The following NBPF9 variants were observed in gnomAD, a reference collection of about 807,000 sequenced individuals.
NBPF9 encodes NBPF family member NBPF9.
Under a neutral mutation model 97.8 loss-of-function variants are expected in NBPF9, and 91 were observed. The observed-to-expected ratio is 0.93, with a 90% CI of 0.79 to 1.11. The LOEUF (loss-of-function observed/expected upper bound fraction) is 1.11. Among genes scored for constraint, NBPF9 ranks in the 50% least tolerant of loss-of-function variants. The pLI is 0.00. For synonymous variants in NBPF9, 334 were observed against 359.5 expected, an observed-to-expected ratio of 0.93 and a Z score of 0.80; for missense variants, 992 against 939.5, an observed-to-expected ratio of 1.06 and a Z score of -0.73.
chr1:149,071,059 C>T (rs782595296), exon 16 of NBPF9: 3 of 1,611,084 alleles, frequency 1.9e-6, no homozygotes, highest in Non-Finnish European at 8.5e-7. Flanking sequence ...GTCATAAGGG[C>T]CATGGCTATT....
intron 5 of NBPF9, among the ~76,000 whole-genome samples, chr1:149,084,388 A>ATATATG (rs2080812473): frequency 6.8e-6 from 1 of 147,848 alleles, no homozygotes; most frequent in Admixed American, 6.8e-5. Context: ...TAATACGTGT[A>ATATATG]TATACATAAT....
chr1:149,055,539 G>A (rs1202095461), exon 30 of NBPF9: 11 of 1,564,454 alleles, frequency 7.0e-6, no homozygotes, highest in Middle Eastern at 2.4e-4. Flanking sequence ...ATAGAGCCAT[G>A]CCCACTGACC....
intron 4 of NBPF9, among the ~76,000 whole-genome samples, chr1:149,097,725 C>T (rs1239778506): frequency 2.0e-5 from 3 of 152,042 alleles, no homozygotes; most frequent in South Asian, 2.1e-4. Flanking sequence ...GAGATTTACT[C>T]GTTATGGGGT....
chr1:149,062,878 C>A (rs1553650485), exon 21 of NBPF9: 1 of 753,342 alleles, frequency 1.3e-6, no homozygotes, highest in Non-Finnish European at 2.4e-6. Flanking sequence ...CATGATGGGT[C>A]TTGGTCTTCT....
At chr1:149,086,997 T>C (rs868991283) in intron 5 of NBPF9, among the ~76,000 whole-genome samples, 24,325 of 151,480 alleles carry the variant, frequency 0.16, 1,980 homozygotes, top group Non-Finnish European at 0.21. Context: ...TTCCTACAAG[T>C]ATAAGACTTC....
chr1:149,062,253 C>G (rs1462618084), exon 22 of NBPF9: 11 of 844,864 alleles, frequency 1.3e-5, no homozygotes, highest in Non-Finnish European at 2.3e-5. Context: ...CATCCAGCAG[C>G]TCCCTGCTGA....
intron 16 of NBPF9, among the ~76,000 whole-genome samples, chr1:149,070,222 G>A (rs2079290747): frequency 6.6e-6 from 1 of 150,834 alleles, no homozygotes; most frequent in African/African-American, 2.4e-5. Context: ...TCAGGAGACT[G>A]AGGCAGGAGA....
chr1:149,099,630 T>C (rs1356721484), intron 3 of NBPF9, among the ~76,000 whole-genome samples: 5 of 152,288 alleles, frequency 3.3e-5, no homozygotes, highest in Middle Eastern at 3.4e-3. Context: ...ACTATATTCA[T>C]AAATAATAGC....
rs1428038445 is a variant in NBPF9, at chr1:149,055,269, A to G, written c.*387T>C. The G allele has an allele frequency of 1.7e-3, 593 of 354,124 alleles. 6 individuals carry two copies. Among genetic ancestry groups the G allele is most frequent in the East Asian group, 0.013 (178 of 13,838 alleles). 21.9% of individuals were successfully genotyped at this position (354,124 alleles called of 1,614,324 possible). On this transcript the variant is annotated 3_prime_UTR_variant, in exon 30 of 30. Coordinates refer to ENST00000584027, the Ensembl canonical transcript of NBPF9. ...ACGAAGAATGAGGTTAGGTTCATTG[A>G]AACCAGGGTAACACCTTTGGATGAG... is the stretch of plus-strand genomic sequence containing the variant.
In NBPF9 at chr1:149,074,146, C is replaced by G. The variant is rs200373258; in HGVS notation, c.989-276G>C. The stretch of plus-strand genomic sequence containing the variant: ...GAAGTGGAGTCAGAATTCACAGTCC[C>G]TGAGGTCTGACTCTGAATGCGGGGC... On this transcript the variant is annotated intron_variant, in intron 12 of 29. Transcript: ENST00000584027. Among the ~76,000 whole-genome samples the G allele has an allele frequency of 2.6e-5, 4 of 151,380 alleles. 2 individuals are homozygous for G. The highest frequency in any genetic ancestry group is 5.9e-5 in the Non-Finnish European group (4 of 67,726).
At chr1:149,064,664 C>T (rs1553651215) in intron 18 of NBPF9, 182 bp from the exon 19 acceptor site, 1 of 613,000 alleles carries the variant, frequency 1.6e-6, no homozygotes, top group Non-Finnish European at 2.9e-6. Context: ...TGGGTTCTTT[C>T]ATGAGCCTTG....
chr1:149,070,298 G>C (rs2079296384), intron 16 of NBPF9, among the ~76,000 whole-genome samples: 1 of 145,014 alleles, frequency 6.9e-6, no homozygotes, highest in Non-Finnish European at 1.5e-5. Context: ...TCCAGCCTGG[G>C]TGACAGAGCA....
At chr1:149,062,513 A>G (rs1394547953) in intron 21 of NBPF9, among the ~76,000 whole-genome samples, 6 of 144,428 alleles carry the variant, frequency 4.2e-5, no homozygotes, top group Non-Finnish European at 1.5e-5. Context: ...GCCGGGTGAC[A>G]CACTGATGAA....
Position 149,059,730 on chromosome 1 carries a change from C to A in NBPF9, c.2555G>T (p.Gly852Val). Residue 852 changes from glycine (G) to valine (V), a missense_variant, in exon 25 of 30, where the codon GGG becomes GTG. Around this residue, in one of 11 missense-constraint regions of NBPF9, gnomAD observed 397 missense variants for 213.6 expected, o/e 1.86. Coordinates refer to ENST00000584027, the Ensembl canonical transcript of NBPF9. ...GCATGGTGGGTTTTGATTTTCTTCC[C>A]CTTCTTTTCTTCCCCTTCTTCTTTT... 1.0e-5 allele frequency: 6 copies of A among 582,446 alleles called. 1 individual carries two copies. The highest frequency in any genetic ancestry group is 4.9e-5 in the Admixed American group (2 of 40,808). The allele number at this position is 582,446 out of a possible 1,614,324, so 36.1% of individuals were successfully genotyped here.
chr1:149,062,750 A>G, intron 21 of NBPF9, 112 bp downstream of exon 21: 1 of 770,174 alleles, frequency 1.3e-6, no homozygotes. Flanking sequence ...TGGCAGTAGG[A>G]GTAATTCAAC....
chr1:149,079,227 G>A lies in NBPF9; in HGVS notation c.279-6C>T, dbSNP rs781928756. 2 of 793,310 alleles carry A rather than the reference G, an allele frequency of 2.5e-6. No homozygotes were observed. Among genetic ancestry groups the A allele is most frequent in the Admixed American group, 1.7e-5 (1 of 57,436 alleles). The allele number at this position is 793,310 out of a possible 1,614,324, so 49.1% of individuals were successfully genotyped here. On this transcript the variant is annotated splice_region_variant and splice_polypyrimidine_tract_variant and intron_variant, in intron 8 of 29. Coordinates refer to ENST00000584027, the Ensembl canonical transcript of NBPF9. ...GAACCAGGACTTTATATTGCCTAAG[G>A]TGAGACGGTAGAGAAAATTTAAGAG...
chr1:149,076,029 C>A (rs1412402094), intron 11 of NBPF9, among the ~76,000 whole-genome samples, 165 bp from the exon 12 acceptor site: 4 of 152,030 alleles, frequency 2.6e-5, no homozygotes, highest in African/African-American at 9.6e-5. Flanking sequence ...TTTAAGTCAA[C>A]TTGTCTTAGC....
chr1:149,093,404 C>G (rs1553660607), intron 4 of NBPF9, among the ~76,000 whole-genome samples: 2 of 152,022 alleles, frequency 1.3e-5, no homozygotes, highest in Middle Eastern at 3.4e-3. Context: ...TCCTCTTTTA[C>G]TAATCCTCCT....
rs2079406236 is a variant in NBPF9 at position 149,071,476 on chromosome 1, T to A, written c.1379+128A>T. 3 of 1,234,894 alleles carry A rather than the reference T, an allele frequency of 2.4e-6. 1 individual carries two copies. Among genetic ancestry groups the A allele is most frequent in the East Asian group, 5.9e-5 (2 of 33,880 alleles). 76.5% of individuals were successfully genotyped at this position (1,234,894 alleles called of 1,614,324 possible). A position where few individuals can be genotyped will look rare whatever the true frequency, so the allele number is the denominator to read the frequency against. On this transcript the variant is annotated intron_variant, in intron 15 of 29. Coordinates refer to ENST00000584027, the Ensembl canonical transcript of NBPF9. ...GCCGCACCCTGTGTCTAAGCTGGGTTCAATTTCACATACTGTGGCCAAGCG... is the reference window on the plus strand; with the variant it reads ...GCCGCACCCTGTGTCTAAGCTGGGTACAATTTCACATACTGTGGCCAAGCG...
Sources: gnomAD v4.1 joint callset for allele counts (sites outside exome capture counted in the v4.1 genomes callset) on GRCh38, gnomAD v4.1.1 for gene constraint, gnomAD v4.1.1 regional missense constraint, MANE v1.5 for transcripts, NCBI Gene and HGNC (gene_info 2026-07-23, HGNC 2026-07-21) for gene names.